UBE4B: variants seen among roughly 807,000 people sequenced by gnomAD.
UBE4B encodes ubiquitin conjugation factor E4 B.
In UBE4B, 27 loss-of-function variants were observed where a neutral mutation model predicts 148.1. The observed-to-expected ratio is 0.18, with a 90% CI of 0.13 to 0.25. The LOEUF (loss-of-function observed/expected upper bound fraction) is 0.25. Among genes scored for constraint, UBE4B ranks in the 10% least tolerant of loss-of-function variants. The probability of loss-of-function intolerance (pLI) is 1.00; values close to 1 mark genes in which losing one functional copy is unlikely to be tolerated. For synonymous variants in UBE4B, 596 were observed against 619.3 expected (o/e 0.96, Z 0.56); for missense variants, 1,170 against 1,662.4 (o/e 0.70, Z 5.15).
intron 1 of UBE4B, among the ~76,000 whole-genome samples, chr1:10,055,781 G>T (rs979202927): frequency 2.0e-5 from 3 of 152,118 alleles, no homozygotes; most frequent in African/African-American, 7.2e-5. Context: ...TTAGCTGGGT[G>T]TGGTAGCACG....
Position 10,106,723 on chromosome 1 carries a change from G to T in UBE4B, c.1196+140G>T. 1 of 1,167,224 alleles carries T rather than the reference G, an allele frequency of 8.6e-7. No individual in the cohort carries two copies. Among genetic ancestry groups the T allele is most frequent in the Non-Finnish European group, 1.1e-6 (1 of 871,276 alleles). The allele number at this position is 1,167,224 out of a possible 1,614,324, so 72.3% of individuals were successfully genotyped here. On this transcript the variant is annotated intron_variant, in intron 7 of 27. Coordinates refer to ENST00000343090, the MANE Select transcript of UBE4B (RefSeq NM_001105562.3). This position sits in a 1 kb window ranked among gnomAD's most constrained non-coding sequence, Gnocchi z 4.2. ...ATTAACCTGTGTGGCTAACTAGTTT[G>T]GTAGGCACGTACTCTGAGTCCATGC...
intron 10 of UBE4B, among the ~76,000 whole-genome samples, chr1:10,125,882 T>G (rs2101931576): frequency 6.6e-6 from 1 of 152,346 alleles, no homozygotes; most frequent in Middle Eastern, 3.4e-3. Context: ...TAAAGCTTTC[T>G]TTGTAAATTT....
At chr1:10,067,232 G>T (rs1395293399) in intron 1 of UBE4B, among the ~76,000 whole-genome samples, 1 of 152,112 alleles carries the variant, frequency 6.6e-6, no homozygotes, top group Non-Finnish European at 1.5e-5. Context: ...TCATATAACA[G>T]ATTAGGAGAA....
chr1:10,151,240 C>A, intron 20 of UBE4B, 86 bp from the exon 21 acceptor site: 1 of 1,247,688 alleles, frequency 8.0e-7, no homozygotes, highest in Non-Finnish European at 1.2e-6. Context: ...TTCCCCTCCT[C>A]ACTTACTGAC....
intron 3 of UBE4B, among the ~76,000 whole-genome samples, chr1:10,097,038 CAAAA>C (rs1175237804): frequency 1.4e-5 from 2 of 141,072 alleles, no homozygotes; most frequent in African/African-American, 2.7e-5. Context: ...GACTCTGCAT[CAAAA>C]AAAAAAAAAA....
rs759888990 is a variant in UBE4B at position 10,178,713 on chromosome 1, A to G, written c.3595A>G (p.Ile1199Val). Residue 1199 changes from isoleucine to valine, a missense_variant, in exon 26 of 28, where the codon ATA (isoleucine) becomes GTA (valine). By Grantham distance (29) the Ile-to-Val change is conservative. Transcript: ENST00000343090. ...GCGGAAGGCAGGGATCAAATCCACA[A>G]TAGCAATAGAAAAATTTAAGCTGCT... Reference protein sequence around the residue: ...KMRKAGIKSTIAIEKFKLLAE... With the variant: ...KMRKAGIKSTVAIEKFKLLAE... 6.8e-6 allele frequency: 11 copies of G among 1,613,878 alleles called. No individual in the cohort carries two copies. The highest frequency in any genetic ancestry group is 1.3e-5 in the African/African-American group (1 of 74,902).
chr1:10,057,642 G>A (rs1343948572), intron 1 of UBE4B, among the ~76,000 whole-genome samples: 1 of 149,590 alleles, frequency 6.7e-6, no homozygotes, highest in African/African-American at 2.5e-5. Flanking sequence ...CTGAGCTCAA[G>A]CAGTCCTCCC....
rs1645100790 is a variant in UBE4B, at chr1:10,106,093, T to G, written c.810-104T>G. 3 of 1,325,432 alleles carry G rather than the reference T, an allele frequency of 2.3e-6. No homozygotes were observed. Among genetic ancestry groups the G allele is most frequent in the East Asian group, 2.4e-5 (1 of 42,298 alleles). 82.1% of individuals were successfully genotyped at this position (1,325,432 alleles called of 1,614,324 possible). A position where few individuals can be genotyped will look rare whatever the true frequency, so the allele number is the denominator to read the frequency against. ...GTTTATCTGCTAGATATACTTGAAC[T>G]GAAATGATTCTCCTTTAAAAGCTTG... On this transcript the variant is annotated intron_variant, in intron 6 of 27. Transcript: ENST00000343090. The surrounding 1 kb of genome is among the most constrained non-coding windows in gnomAD (Gnocchi z 4.2).
chr1:10,172,297 A>G (rs759665597), intron 25 of UBE4B, among the ~76,000 whole-genome samples: 1 of 152,112 alleles, frequency 6.6e-6, no homozygotes, highest in Non-Finnish European at 1.5e-5. Flanking sequence ...CCTCACAGCT[A>G]ATGTTTATTA....
chr1:10,151,244 TACTGA>T, intron 20 of UBE4B, 77 bp from the exon 21 acceptor site: 2 of 1,320,334 alleles, frequency 1.5e-6, no homozygotes, highest in Non-Finnish European at 2.1e-6. Context: ...CCTCCTCACT[TACTGA>T]CACCAGCCTT....
intron 21 of UBE4B, among the ~76,000 whole-genome samples, chr1:10,154,952 C>T (rs1468722361): frequency 6.6e-6 from 1 of 151,876 alleles, no homozygotes; most frequent in Non-Finnish European, 1.5e-5. Context: ...ATTTTATTAT[C>T]TGAACTTCTT....
Position 10,082,278 on chromosome 1 carries a change from C to T in UBE4B, c.211+10064C>T, listed in dbSNP as rs1029538148. Among the ~76,000 whole-genome samples the T allele has an allele frequency of 3.3e-5, 5 of 152,010 alleles. No individual in the cohort carries two copies. In the East Asian group the frequency reaches 7.7e-4, roughly 23 times the overall value. ...CTTTGGGAGGTCTAGGTGGGAGGAT[C>T]GCTTGAACCCAGGGGTTTAAGACTA... On this transcript the variant is annotated intron_variant, in intron 2 of 27. Coordinates refer to ENST00000343090, the MANE Select transcript of UBE4B (RefSeq NM_001105562.3).
chr1:10,149,317 T>G (rs760596347), intron 20 of UBE4B, 35 bp downstream of exon 20: 1 of 1,488,028 alleles, frequency 6.7e-7, no homozygotes, highest in South Asian at 1.2e-5. Flanking sequence ...AGTTCTAATA[T>G]GTTTTTATGC....
rs919140231 is a variant in UBE4B, at chr1:10,135,076, C to T, written c.2114C>T (p.Thr705Ile). 1 of 1,614,064 alleles carries T rather than the reference C, an allele frequency of 6.2e-7. No homozygotes were observed. The highest frequency in any genetic ancestry group is 8.5e-7 in the Non-Finnish European group (1 of 1,180,012). The change falls in exon 16 of 28, where the codon ACA (threonine) becomes ATA (isoleucine). Residue 705 changes from threonine (T) to isoleucine (I), a missense_variant. By Grantham distance (89) the Thr-to-Ile change is moderately conservative (BLOSUM62 -1). This residue lies in a region of UBE4B where 388 missense variants were observed against 536.0 expected (regional missense o/e 0.72). Transcript: ENST00000343090. ...CTAAGTACAAAAATCAAGTTAGAAA[C>T]AGTTGATCCCACGTATATTTTTCAC... ...QQLSTKIKLE[T>I]VDPTYIFHPR...
intron 7 of UBE4B, among the ~76,000 whole-genome samples, chr1:10,112,621 C>T (rs909077412): frequency 3.9e-5 from 6 of 152,088 alleles, no homozygotes; most frequent in African/African-American, 1.2e-4. Flanking sequence ...GCTGGTCTTG[C>T]ACGCCTGACC....
chr1:10,100,163 G>A (rs891647200), intron 3 of UBE4B, among the ~76,000 whole-genome samples: 1 of 151,838 alleles, frequency 6.6e-6, no homozygotes, highest in South Asian at 2.1e-4. Flanking sequence ...CTAATTTTTT[G>A]TATTTTTTAG....
At chr1:10,105,480 G>A in intron 5 of UBE4B, 36 bp from the exon 6 acceptor site, 1 of 1,599,148 alleles carries the variant, frequency 6.3e-7, no homozygotes, top group Non-Finnish European at 8.6e-7. Context: ...TGTTCGAACT[G>A]TGTGTAACCT....
intron 3 of UBE4B, among the ~76,000 whole-genome samples, chr1:10,097,690 G>A (rs1281841069): frequency 6.6e-6 from 1 of 152,042 alleles, no homozygotes; most frequent in African/African-American, 2.4e-5. Context: ...TGTACCTGTA[G>A]TCCCAGCTAC....
Position 10,180,034 on chromosome 1 carries a change from G to GC in UBE4B, c.*80dup. The stretch of plus-strand genomic sequence containing the variant: ...CAGAAGCAGCGGCCGCAGCGAAGCT[G>GC]CCGTTCATGTGTTGGAGGCCAAATG... On this transcript the variant is annotated 3_prime_UTR_variant, in exon 28 of 28. Coordinates refer to ENST00000343090, the MANE Select transcript of UBE4B (RefSeq NM_001105562.3). 12 of 1,596,144 alleles carry GC rather than the reference G, an allele frequency of 7.5e-6. No individual in the cohort carries two copies. The highest frequency in any genetic ancestry group is 7.7e-6 in the Non-Finnish European group (9 of 1,168,310).
Sources: gnomAD v4.1 joint callset for allele counts (sites outside exome capture counted in the v4.1 genomes callset) on GRCh38, gnomAD v4.1.1 for gene constraint, gnomAD v4.1.1 regional missense constraint, Gnocchi (gnomAD v3.1) non-coding constraint, MANE v1.5 for transcripts, NCBI Gene and HGNC (gene_info 2026-07-23, HGNC 2026-07-21) for gene names.